DLGAP2: variants seen among roughly 807,000 people sequenced by gnomAD.
DLGAP2 encodes the protein disks large-associated protein 2.
DLGAP2 carries 26 observed loss-of-function variants against 100.3 expected under a neutral mutation model. That is an observed-to-expected ratio of 0.26 (90% CI 0.19 to 0.36). The LOEUF is 0.36. DLGAP2 is among the 10% of genes least tolerant of loss of function. The pLI, the probability that DLGAP2 is intolerant of heterozygous loss-of-function variation, is 1.00. For synonymous variants in DLGAP2, 886 were observed against 630.1 expected (o/e 1.41, Z -6.08); for missense variants, 1,858 against 1,453.2 (o/e 1.28, Z -4.53).
chr8:1,029,152 C>A (rs1444571679), intron 2 of DLGAP2, among the ~76,000 whole-genome samples: 2 of 152,116 alleles, frequency 1.3e-5, no homozygotes, highest in Non-Finnish European at 2.9e-5. Flanking sequence ...CCAGGGCGTG[C>A]CTGTGATCTT....
At position 1,240,910 on chromosome 8, in the gene DLGAP2, C is replaced by T. The variant is rs771802364; in HGVS notation, c.74-17941C>T. 2.7e-3 allele frequency among the ~76,000 whole-genome samples: 18 copies of T among 6,708 alleles called. 2 individuals carry two copies. Among genetic ancestry groups the T allele is most frequent in the Non-Finnish European group, 4.6e-3 (11 of 2,400 alleles). 4.4% of individuals were successfully genotyped at this position (6,708 alleles called of 152,430 possible). ...CACAGAGTATCGTGTCTAGTTCTCT[C>T]ACATGGCACTGTGTCTAGTTCTCTC... On this transcript the variant is annotated intron_variant, in intron 2 of 14. Coordinates refer to ENST00000637795, the MANE Select transcript of DLGAP2 (RefSeq NM_001346810.2).
intron 1 of DLGAP2, among the ~76,000 whole-genome samples, chr8:746,736 A>G (rs990646767): frequency 3.9e-5 from 6 of 152,228 alleles, no homozygotes; most frequent in Non-Finnish European, 7.3e-5. Flanking sequence ...AGTCCCACAC[A>G]AAACAGAAAC....
intron 1 of DLGAP2, among the ~76,000 whole-genome samples, chr8:752,984 G>A (rs936863475): frequency 6.6e-6 from 1 of 152,220 alleles, no homozygotes; most frequent in African/African-American, 2.4e-5. Flanking sequence ...TGCAGTCATT[G>A]TGTGGTTACC....
intron 2 of DLGAP2, among the ~76,000 whole-genome samples, chr8:1,164,215 T>TTTTGGTTTGTGGGGA (rs1563224283): frequency 7.7e-6 from 1 of 130,092 alleles, no homozygotes; most frequent in African/African-American, 3.3e-5. Context: ...CCAGGGCCCG[T>TTTTGGTTTGTGGGGA]CATTTTGGTT....
intron 1 of DLGAP2, among the ~76,000 whole-genome samples, chr8:782,663 G>A (rs1017082379): frequency 2.0e-5 from 3 of 152,258 alleles, no homozygotes; most frequent in Admixed American, 2.0e-4. Context: ...GGCAGTTGAG[G>A]GCCCCCACCC....
intron 4 of DLGAP2, among the ~76,000 whole-genome samples, chr8:1,506,897 C>T (rs148039153): frequency 1.3e-3 from 194 of 152,214 alleles, no homozygotes; most frequent in Middle Eastern, 3.4e-3. Context: ...GAGCTAGACA[C>T]AGAGTGCTGA....
chr8:1,425,959 A>G (rs1331427031), intron 3 of DLGAP2, among the ~76,000 whole-genome samples: 1 of 152,236 alleles, frequency 6.6e-6, no homozygotes, highest in Admixed American at 6.5e-5. Flanking sequence ...TATGGAAACC[A>G]GGTGGCTGGA....
intron 3 of DLGAP2, among the ~76,000 whole-genome samples, chr8:1,437,572 T>C (rs1797682904): frequency 6.6e-6 from 1 of 152,200 alleles, no homozygotes; most frequent in African/African-American, 2.4e-5. Context: ...CAGAACGCTA[T>C]CTGAGTGGTG....
At chr8:1,530,688 G>C (rs1196647652) in intron 4 of DLGAP2, among the ~76,000 whole-genome samples, 4 of 152,176 alleles carry the variant, frequency 2.6e-5, no homozygotes, top group Non-Finnish European at 5.9e-5. Context: ...GTATTAATTT[G>C]GGGAACTAAT....
intron 3 of DLGAP2, among the ~76,000 whole-genome samples, chr8:1,290,301 A>G (rs6998229): frequency 0.16 from 24,629 of 152,224 alleles, 2,167 homozygotes; most frequent in East Asian, 0.33. Flanking sequence ...ATCCAATTCC[A>G]TCGAGTTGTC....
At chr8:946,343 A>C (rs1237250603) in intron 2 of DLGAP2, among the ~76,000 whole-genome samples, 8 of 150,302 alleles carry the variant, frequency 5.3e-5, no homozygotes, top group African/African-American at 2.0e-4. Flanking sequence ...GGCTCATTGC[A>C]AGCTCCGCCT....
chr8:1,032,196 CT>C (rs1261180933), intron 2 of DLGAP2, among the ~76,000 whole-genome samples: 1 of 152,264 alleles, frequency 6.6e-6, no homozygotes, highest in Non-Finnish European at 1.5e-5. Flanking sequence ...AGCTGTTCGC[CT>C]TCCAGAGCTC....
chr8:1,414,702 C>A (rs1796830363), intron 3 of DLGAP2, among the ~76,000 whole-genome samples: 1 of 152,200 alleles, frequency 6.6e-6, no homozygotes, highest in Non-Finnish European at 1.5e-5. Flanking sequence ...AAGCATGGAA[C>A]CTCCTGTTAA....
In DLGAP2 at chr8:1,632,719, T is replaced by C. The variant is rs574463499; in HGVS notation, c.1591-108T>C. On this transcript the variant is annotated intron_variant, in intron 7 of 14. Coordinates refer to ENST00000637795, the MANE Select transcript of DLGAP2 (RefSeq NM_001346810.2). ...ACTTCAGGTTAACTGTGCTGAACTA[T>C]GAGGCAGTGAAAGGCAGCCTGGGAA... 2.6e-5 allele frequency: 27 copies of C among 1,056,502 alleles called. No individual in the cohort carries two copies. In the East Asian group the frequency reaches 6.8e-4, roughly 26 times the overall value. 65.4% of individuals were successfully genotyped at this position (1,056,502 alleles called of 1,614,324 possible). A position where few individuals can be genotyped will look rare whatever the true frequency, so the allele number is the denominator to read the frequency against.
At chr8:1,528,115 G>A (rs572893744) in intron 4 of DLGAP2, among the ~76,000 whole-genome samples, 90 of 152,334 alleles carry the variant, frequency 5.9e-4, no homozygotes, top group South Asian at 1.7e-3. Flanking sequence ...ACTGCTGTGC[G>A]GTCCAGGCCT....
At chr8:1,648,258 C>G (rs967037026) in intron 8 of DLGAP2, among the ~76,000 whole-genome samples, 1 of 152,194 alleles carries the variant, frequency 6.6e-6, no homozygotes, top group African/African-American at 2.4e-5. Flanking sequence ...GCCTTGGCAT[C>G]GACTTGAGCC....
At chr8:1,482,940 C>T (rs908601265) in intron 3 of DLGAP2, among the ~76,000 whole-genome samples, 9 of 152,242 alleles carry the variant, frequency 5.9e-5, no homozygotes, top group Admixed American at 3.9e-4. Context: ...GGTCTTGGAG[C>T]ATTTAGCCCT....
At chr8:1,312,713 A>C (rs532345527) in intron 3 of DLGAP2, among the ~76,000 whole-genome samples, 6 of 152,378 alleles carry the variant, frequency 3.9e-5, no homozygotes, top group African/African-American at 1.4e-4. Flanking sequence ...AATAAAATTA[A>C]ATGCACATAC....
At chr8:1,536,649 A>G (rs1801162828) in intron 4 of DLGAP2, among the ~76,000 whole-genome samples, 1 of 152,134 alleles carries the variant, frequency 6.6e-6, no homozygotes, top group Admixed American at 6.5e-5. Flanking sequence ...GAAAGATGTC[A>G]AGGCCAGCCC....
Sources: allele counts gnomAD v4.1 joint callset (sites outside exome capture counted in the v4.1 genomes callset), GRCh38; gene constraint gnomAD v4.1.1; transcripts MANE v1.5; gene names NCBI Gene and HGNC (gene_info 2026-07-23, HGNC 2026-07-21).